Variants in LRRTM3 observed in about 807,000 individuals in gnomAD.
LRRTM3 encodes the protein leucine rich repeat transmembrane neuronal 3.
In LRRTM3, 24 loss-of-function variants were observed where a neutral mutation model predicts 44.7. That is an observed-to-expected ratio of 0.54 (90% CI 0.39 to 0.76). The LOEUF (loss-of-function observed/expected upper bound fraction) is 0.76. LRRTM3 is among the 30% of genes least tolerant of loss of function. LRRTM3 has a pLI of 0.00. For missense variants in LRRTM3, 587 were observed against 702.2 expected (o/e 0.84, Z 1.85); for synonymous variants, 277 against 278.7 (o/e 0.99, Z 0.06).
At chr10:67,020,716 C>T (rs953425792) in intron 2 of LRRTM3, among the ~76,000 whole-genome samples, 2 of 151,998 alleles carry the variant, frequency 1.3e-5, no homozygotes, top group South Asian at 2.1e-4. Context: ...GCACTAAAAC[C>T]TGGGTTTTAA....
intron 2 of LRRTM3, among the ~76,000 whole-genome samples, chr10:66,976,959 T>A (rs888254940): frequency 6.6e-6 from 1 of 152,220 alleles, no homozygotes; most frequent in East Asian, 1.9e-4. Flanking sequence ...ATTTCTAGTA[T>A]GGGCGAGTTT....
intron 2 of LRRTM3, among the ~76,000 whole-genome samples, chr10:66,942,515 C>G (rs1024289272): frequency 1.1e-4 from 16 of 151,702 alleles, no homozygotes; most frequent in African/African-American, 3.4e-4. Context: ...GTTCCATTAT[C>G]CTACAAATCT....
chr10:67,070,475 G>A lies in LRRTM3; in HGVS notation c.1537-27112G>A, dbSNP rs147726705. On this transcript the variant is annotated intron_variant, in intron 2 of 2. Transcript: ENST00000361320. ...GATTAAGAAATCCTTGTGGCGGGGA[G>A]CAGTGTCTCGTGCCTGTAATCTCAG... 5.8e-3 allele frequency among the ~76,000 whole-genome samples: 878 copies of A among 152,090 alleles called. 3 individuals carry two copies. Among genetic ancestry groups the A allele is most frequent in the Middle Eastern group, 0.024 (7 of 294 alleles).
chr10:66,957,214 G>T (rs996754468), intron 2 of LRRTM3, among the ~76,000 whole-genome samples: 8 of 151,632 alleles, frequency 5.3e-5, no homozygotes, highest in Non-Finnish European at 7.4e-5. Flanking sequence ...CCCACAGTCT[G>T]GCTTCACCAA....
rs1322901100 is a variant in LRRTM3, at chr10:66,980,537, A to ATGGGAAC, written c.1536+52085_1536+52086insTGGGAAC. On this transcript the variant is annotated intron_variant, in intron 2 of 2. Coordinates refer to ENST00000361320, the MANE Select transcript of LRRTM3 (RefSeq NM_178011.5). ...TTTCCCAAGCAAAAATCAGAATTGAACAGGAACCAAAACTATTGAGACCTT... is the reference window on the plus strand; with the variant it reads ...TTTCCCAAGCAAAAATCAGAATTGAATGGGAACCAGGAACCAAAACTATTGAGACCTT... Among the ~76,000 whole-genome samples the ATGGGAAC allele has an allele frequency of 6.0e-3, 802 of 133,764 alleles. 6 individuals are homozygous for ATGGGAAC. Among genetic ancestry groups the ATGGGAAC allele is most frequent in the Non-Finnish European group, 7.2e-3 (437 of 60,556 alleles). The allele number at this position is 133,764 out of a possible 152,430, so 87.8% of individuals were successfully genotyped here.
chr10:66,970,444 G>T (rs1476303756), intron 2 of LRRTM3, among the ~76,000 whole-genome samples: 1 of 147,482 alleles, frequency 6.8e-6, no homozygotes, highest in Non-Finnish European at 1.5e-5. Context: ...TATTACATTT[G>T]AGTTCAGTGA....
rs533757660 is a variant in LRRTM3 at position 67,097,675 on chromosome 10, A to T, written c.1625A>T (p.His542Leu). ...GGGGTGCATCATGAACTTCTCTCCCATAAGTCCTTTGAAACGAATGCACAG... is the reference window on the plus strand; with the variant it reads ...GGGGTGCATCATGAACTTCTCTCCCTTAAGTCCTTTGAAACGAATGCACAG... ...YCGVHHELLSHKSFETNAQED... is the reference protein window; with the variant it reads ...YCGVHHELLSLKSFETNAQED... The change falls in exon 3 of 3, where the codon CAT becomes CTT. Residue 542 changes from histidine (H) to leucine (L), a missense_variant. Transcript: ENST00000361320. The T allele has an allele frequency of 1.2e-6, 2 of 1,612,780 alleles. No homozygotes were observed. Among genetic ancestry groups the T allele is most frequent in the Non-Finnish European group, 1.7e-6 (2 of 1,179,084 alleles).
chr10:67,091,182 CAA>C lies in LRRTM3; in HGVS notation c.1537-6402_1537-6401del, dbSNP rs1225697023. Among the ~76,000 whole-genome samples the C allele has an allele frequency of 2.0e-5, 3 of 151,806 alleles. No homozygotes were observed. In the East Asian group the frequency reaches 5.8e-4, roughly 29 times the overall value. On this transcript the variant is annotated intron_variant, in intron 2 of 2. Transcript: ENST00000361320. Reference sequence around the variant, plus strand: ...ACACATCAAATTGCGCATACCTTAGCAAAACCCAAAGCTAGTTATGAAAATCA... The same window carrying C: ...ACACATCAAATTGCGCATACCTTAGCAACCCAAAGCTAGTTATGAAAATCA...
Position 66,926,275 on chromosome 10 carries a change from C to T in LRRTM3, c.-309C>T. On this transcript the variant is annotated 5_prime_UTR_variant, in exon 1 of 3. Coordinates refer to ENST00000361320, the MANE Select transcript of LRRTM3 (RefSeq NM_178011.5). ...TGTAGGATCCAGTTTTTTTTTTAAC[C>T]GCCCCCTCCCCACCCCCCAAAAAAC... 2.0e-6 allele frequency: 1 copy of T among 488,002 alleles called. No homozygotes were observed. The highest frequency in any genetic ancestry group is 3.8e-6 in the Non-Finnish European group (1 of 265,744). 30.2% of individuals were successfully genotyped at this position (488,002 alleles called of 1,614,324 possible).
At chr10:67,017,294 C>T (rs1439820995) in intron 2 of LRRTM3, among the ~76,000 whole-genome samples, 1 of 152,112 alleles carries the variant, frequency 6.6e-6, no homozygotes. Flanking sequence ...TAGGTTAGTT[C>T]CCAAGAACAC....
chr10:67,002,987 A>T (rs1851769817), intron 2 of LRRTM3, among the ~76,000 whole-genome samples: 1 of 152,184 alleles, frequency 6.6e-6, no homozygotes, highest in Non-Finnish European at 1.5e-5. Flanking sequence ...AAATACATTC[A>T]TCAGATGCAG....
intron 2 of LRRTM3, among the ~76,000 whole-genome samples, chr10:66,985,661 GATC>G: frequency 6.6e-6 from 1 of 152,182 alleles, no homozygotes; most frequent in East Asian, 1.9e-4. Flanking sequence ...AGGTGGAAAT[GATC>G]ATCAAGAACC....
chr10:66,939,396 A>G (rs1925572), intron 2 of LRRTM3, among the ~76,000 whole-genome samples: 144,184 of 152,180 alleles, frequency 0.95, 68,812 homozygotes, highest in East Asian at 1. Context: ...TATGCCTTCA[A>G]ACTGAGTTAA....
At chr10:67,086,672 C>T (rs1857328731) in intron 2 of LRRTM3, among the ~76,000 whole-genome samples, 1 of 151,964 alleles carries the variant, frequency 6.6e-6, no homozygotes, top group Non-Finnish European at 1.5e-5. Flanking sequence ...GAGACACACA[C>T]ACAAACATAA....
At chr10:67,000,812 G>A (rs1188675844) in intron 2 of LRRTM3, among the ~76,000 whole-genome samples, 6 of 152,138 alleles carry the variant, frequency 3.9e-5, no homozygotes, top group Non-Finnish European at 7.3e-5. Flanking sequence ...AAGAATGCCA[G>A]TGCAATTCTG....
chr10:66,927,090 T>C lies in LRRTM3; in HGVS notation c.174T>C (p.Ser58=), dbSNP rs759680598. 8 of 1,614,078 alleles carry C rather than the reference T, an allele frequency of 5.0e-6. No homozygotes were observed. In the South Asian group the frequency reaches 8.8e-5, roughly 18 times the overall value. ...ESQKLQEIPS[S]ISAGCLGLSL... is the part of the protein sequence containing the mutation. Reference sequence around the variant, plus strand: ...AGAAATTACAGGAGATACCCTCAAGTATATCTGCTGGTTGCTTAGGTTTGT... The same window carrying C: ...AGAAATTACAGGAGATACCCTCAAGCATATCTGCTGGTTGCTTAGGTTTGT... Residue 58 remains serine (S), a synonymous_variant, in exon 2 of 3, where the codon AGT becomes AGC. Coordinates refer to ENST00000361320, the MANE Select transcript of LRRTM3 (RefSeq NM_178011.5). This position sits in a 1 kb window ranked among gnomAD's most constrained non-coding sequence, Gnocchi z 4.7.
At chr10:67,086,177 T>C (rs752820532) in intron 2 of LRRTM3, among the ~76,000 whole-genome samples, 1 of 151,980 alleles carries the variant, frequency 6.6e-6, no homozygotes, top group Non-Finnish European at 1.5e-5. Context: ...TTCATACTTA[T>C]GTGGATATAA....
At chr10:67,021,828 A>T (rs1272324897) in intron 2 of LRRTM3, among the ~76,000 whole-genome samples, 1 of 152,326 alleles carries the variant, frequency 6.6e-6, no homozygotes, top group East Asian at 1.9e-4. Context: ...AGGAAGTACT[A>T]TAAAGGGAAA....
At chr10:66,963,311 T>C (rs1033396936) in intron 2 of LRRTM3, among the ~76,000 whole-genome samples, 14 of 152,188 alleles carry the variant, frequency 9.2e-5, no homozygotes, top group Admixed American at 2.6e-4. Flanking sequence ...TTGTGAGCTG[T>C]GTAGCACTGG....
Sources: allele counts gnomAD v4.1 joint callset (sites outside exome capture counted in the v4.1 genomes callset), GRCh38; gene constraint gnomAD v4.1.1; non-coding constraint Gnocchi (gnomAD v3.1); transcripts MANE v1.5; gene names NCBI Gene and HGNC (gene_info 2026-07-23, HGNC 2026-07-21).